MRPL24: variants seen among roughly 807,000 people sequenced by gnomAD.
The protein encoded by MRPL24 is large ribosomal subunit protein uL24m.
A neutral mutation model predicts 26.9 loss-of-function variants in MRPL24; 15 were observed. That is an observed-to-expected ratio of 0.56 (90% CI 0.37 to 0.86). MRPL24 has a LOEUF of 0.86. Ranked by LOEUF, MRPL24 falls within the 40% of genes least tolerant of loss-of-function variation. The probability of loss-of-function intolerance (pLI) is 0.00; values close to 1 mark genes in which losing one functional copy is unlikely to be tolerated. For missense variants in MRPL24, 241 were observed against 281.4 expected (o/e 0.86, Z 1.03); for synonymous variants, 92 against 102.4 (o/e 0.90, Z 0.62).
chr1:156,740,075 GTAT>G (rs1041831896), intron 1 of MRPL24, among the ~76,000 whole-genome samples: 1 of 152,152 alleles, frequency 6.6e-6, no homozygotes. Flanking sequence ...GCAAAATAAT[GTAT>G]TATTATCCCT....
Position 156,737,417 on chromosome 1 carries a change from T to C in MRPL24, c.632A>G (p.Lys211Arg), listed in dbSNP as rs780523568. 6.3e-7 allele frequency: 1 copy of C among 1,599,230 alleles called. No homozygotes were observed. Among genetic ancestry groups the C allele is most frequent in the Middle Eastern group, 1.7e-4 (1 of 5,956 alleles). ...AMGIKETRKYKKVYWY is the reference protein window; with the variant it reads ...AMGIKETRKYRKVYWY Reference sequence around the variant, plus strand: ...CCAGGCTCAATACCAATAGACCTTCTTGTATTTCCGGGTCTCCTTGATCCC... The same window carrying C: ...CCAGGCTCAATACCAATAGACCTTCCTGTATTTCCGGGTCTCCTTGATCCC... Residue 211 changes from lysine to arginine, a missense_variant, in exon 6 of 6, where the codon AAG becomes AGG. Lys to Arg is a conservative substitution (Grantham distance 26). Coordinates refer to ENST00000361531, the MANE Select transcript of MRPL24 (RefSeq NM_145729.3).
intron 1 of MRPL24, among the ~76,000 whole-genome samples, chr1:156,739,645 G>T (rs1160321833): frequency 6.6e-6 from 1 of 151,042 alleles, no homozygotes; most frequent in Admixed American, 6.6e-5. Flanking sequence ...ACTGTATGAC[G>T]CTAGGCAACT....
intron 4 of MRPL24, 119 bp from the exon 5 acceptor site, chr1:156,737,895 G>C: frequency 6.8e-7 from 1 of 1,474,282 alleles, no homozygotes; most frequent in Non-Finnish European, 9.3e-7. Context: ...CCTCTGTGTT[G>C]GGGTTACCCG....
At chr1:156,740,546 T>TC (rs1473864322) in intron 1 of MRPL24, 14 of 152,000 alleles carry the variant, frequency 9.2e-5, no homozygotes, top group Admixed American at 9.2e-4. Flanking sequence ...CATCGTAAAG[T>TC]CCCTTTTACA....
chr1:156,738,655 G>A lies in MRPL24; in HGVS notation c.50C>T (p.Pro17Leu), dbSNP rs369484764. ...LALASKVTLP[P>L]HYRYGMSPPG... is the part of the protein sequence containing the mutation. ...GGGGCTCATCCCATAGCGGTAATGGGGGGGCAGAGTGACCTTGGATGCCAA... is the reference window on the plus strand; with the variant it reads ...GGGGCTCATCCCATAGCGGTAATGGAGGGGCAGAGTGACCTTGGATGCCAA... The change falls in exon 2 of 6, where the codon CCC becomes CTC. Residue 17 changes from proline to leucine, a missense_variant. Pro to Leu is a moderately conservative substitution (Grantham distance 98, BLOSUM62 -3). Transcript: ENST00000361531. 8.8e-6 allele frequency: 14 copies of A among 1,599,964 alleles called. No individual in the cohort carries two copies. In the East Asian group the frequency reaches 8.9e-5, roughly 10 times the overall value.
chr1:156,738,340 T>TA lies in MRPL24; in HGVS notation c.279+2dup, dbSNP rs770699839. 1.2e-6 allele frequency: 2 copies of TA among 1,613,950 alleles called. No individual in the cohort carries two copies. Among genetic ancestry groups the TA allele is most frequent in the Non-Finnish European group, 1.7e-6 (2 of 1,179,844 alleles). The stretch of plus-strand genomic sequence containing the variant: ...AGCATCCCCATCCCCTCTCTCAACT[T>TA]ACTGTGTTCAGCCCTCCCACGACCA... On this transcript the variant is annotated splice_region_variant and intron_variant, in intron 3 of 5. Coordinates refer to ENST00000361531, the MANE Select transcript of MRPL24 (RefSeq NM_145729.3).
At chr1:156,740,829 T>C (rs1650068407) in intron 1 of MRPL24, 183 bp downstream of exon 1, 1 of 152,336 alleles carries the variant, frequency 6.6e-6, no homozygotes, top group African/African-American at 2.4e-5. Flanking sequence ...CAGTGCAATG[T>C]AGTGGGGTCG....
rs1234500478 is a variant in MRPL24, at chr1:156,738,729, T to C, written c.-25A>G. The C allele has an allele frequency of 6.4e-6, 10 of 1,558,544 alleles. No homozygotes were observed. The highest frequency in any genetic ancestry group is 8.6e-6 in the Non-Finnish European group (10 of 1,157,662). On this transcript the variant is annotated 5_prime_UTR_variant, in exon 2 of 6. Coordinates refer to ENST00000361531, the MANE Select transcript of MRPL24 (RefSeq NM_145729.3). The stretch of plus-strand genomic sequence containing the variant: ...TGCCTGGAGGTTGTAAGAAATCCCT[T>C]TGCCAGCAAAACGCTCGAAACCTTC...
In MRPL24 at chr1:156,738,600, G is replaced by T. The variant is rs1262449709; in HGVS notation, c.105C>A (p.Asn35Lys). The T allele has an allele frequency of 1.2e-6, 2 of 1,613,432 alleles. No individual in the cohort carries two copies. The highest frequency in any genetic ancestry group is 2.7e-5 in the African/African-American group (2 of 74,886). The change falls in exon 2 of 6, where the codon AAC (asparagine) becomes AAA (lysine). Residue 35 changes from asparagine (N) to lysine (K), a missense_variant. By Grantham distance (94) the Asn-to-Lys change is moderately conservative. Coordinates refer to ENST00000361531, the MANE Select transcript of MRPL24 (RefSeq NM_145729.3). The part of the protein sequence containing the change: ...PPGSVADKRK[N>K]PPWIRRRPVV... ...CTGGGCGCCGCCTGATCCATGGGGG[G>T]TTCTTCCTCTTGTCTGCAACAGAGC...
Position 156,737,313 on chromosome 1 carries a change from G to T in MRPL24, c.*85C>A. 2.8e-6 allele frequency: 4 copies of T among 1,433,244 alleles called. No individual in the cohort carries two copies. The South Asian group carries it at 4.1e-5, about 15-fold the overall frequency. The allele number at this position is 1,433,244 out of a possible 1,614,324, so 88.8% of individuals were successfully genotyped here. ...AGCTGTACACAGGAGGACTCATAAAGTGCTCTTTATTGGCATCTGAAAAAG... is the reference window on the plus strand; with the variant it reads ...AGCTGTACACAGGAGGACTCATAAATTGCTCTTTATTGGCATCTGAAAAAG... On this transcript the variant is annotated 3_prime_UTR_variant, in exon 6 of 6. Transcript: ENST00000361531.
In MRPL24 at chr1:156,738,646, CG is replaced by C; in HGVS notation, c.58del (p.Arg20AlafsTer4). ...ASKVTLPPHY[R>X]YGMSPPGSVA... The stretch of plus-strand genomic sequence containing the variant: ...AGAGCCTGGGGGGCTCATCCCATAG[CG>C]GTAATGGGGGGGCAGAGTGACCTTG... On this transcript the variant is annotated frameshift_variant, in exon 2 of 6. Transcript: ENST00000361531. LOFTEE classifies it high-confidence loss of function. 6.2e-7 allele frequency: 1 copy of C among 1,606,418 alleles called. No homozygotes were observed. The highest frequency in any genetic ancestry group is 8.5e-7 in the Non-Finnish European group (1 of 1,177,816).
chr1:156,741,704 C>G (rs913239404), upstream of MRPL24: 8 of 152,184 alleles, frequency 5.3e-5, no homozygotes, highest in Non-Finnish European at 8.8e-5. Context: ...CTAAGGGTGG[C>G]AGGTACCCCT....
At chr1:156,742,410 AAG>A (rs1306234336), upstream of MRPL24, 14 of 152,758 alleles carry the variant, frequency 9.2e-5, no homozygotes. Flanking sequence ...CAGCTACAAA[AAG>A]AAAGTCATCA....
Position 156,738,750 on chromosome 1 carries a change from C to T in MRPL24, c.-46G>A. Reference sequence around the variant, plus strand: ...CCCTTTGCCAGCAAAACGCTCGAAACCTTCCTTGTCAGCTCTGGGCAGATG... The same window carrying T: ...CCCTTTGCCAGCAAAACGCTCGAAATCTTCCTTGTCAGCTCTGGGCAGATG... On this transcript the variant is annotated 5_prime_UTR_variant, in exon 2 of 6. Transcript: ENST00000361531. 1 of 1,530,932 alleles carries T rather than the reference C, an allele frequency of 6.5e-7. No homozygotes were observed. Among genetic ancestry groups the T allele is most frequent in the Non-Finnish European group, 8.8e-7 (1 of 1,139,796 alleles). The allele number at this position is 1,530,932 out of a possible 1,614,324, so 94.8% of individuals were successfully genotyped here.
At chr1:156,741,565 C>T (rs563455978), upstream of MRPL24, 1 of 152,130 alleles carries the variant, frequency 6.6e-6, no homozygotes, top group East Asian at 1.9e-4. Flanking sequence ...TGCTAGTAGC[C>T]GATCTAGTTA....
At position 156,737,760 on chromosome 1, in the gene MRPL24, C is replaced by G. The variant is rs374104638; in HGVS notation, c.400G>C (p.Glu134Gln). 9 of 1,614,048 alleles carry G rather than the reference C, an allele frequency of 5.6e-6. No homozygotes were observed. The highest frequency in any genetic ancestry group is 7.6e-6 in the Non-Finnish European group (9 of 1,180,040). ...DPMDRKPTEI[E>Q]WRFTEAGERV... The stretch of plus-strand genomic sequence containing the variant: ...TCTCCTGCTTCAGTAAATCTCCACT[C>G]GATCTCAGTGGGTTTCCTGGTGGAT... The change falls in exon 5 of 6, where the codon GAG (glutamate) becomes CAG (glutamine). Residue 134 changes from glutamate (E) to glutamine (Q), a missense_variant. Transcript: ENST00000361531.
chr1:156,738,461 G>A (rs1264251403), intron 2 of MRPL24, 23 bp from the exon 3 acceptor site: 6 of 1,613,760 alleles, frequency 3.7e-6, no homozygotes, highest in Non-Finnish European at 5.1e-6. Context: ...ACGAAGGTTA[G>A]GGAGGGGGAT....
intron 3 of MRPL24, 52 bp from the exon 4 acceptor site, chr1:156,738,186 C>T (rs1243287628): frequency 6.3e-7 from 1 of 1,592,404 alleles, no homozygotes; most frequent in Non-Finnish European, 8.6e-7. Flanking sequence ...AGGGGTTTGC[C>T]CTTGCTACTC....
intron 1 of MRPL24, 132 bp downstream of exon 1, chr1:156,740,880 C>A (rs367552566): frequency 6.6e-6 from 1 of 152,468 alleles, no homozygotes; most frequent in East Asian, 1.9e-4. Context: ...AGGCTTCCCC[C>A]ACCAGCCTCA....
Sources: gnomAD v4.1 joint callset for allele counts (sites outside exome capture counted in the v4.1 genomes callset) on GRCh38, gnomAD v4.1.1 for gene constraint, MANE v1.5 for transcripts, NCBI Gene and HGNC (gene_info 2026-07-23, HGNC 2026-07-21) for gene names.